The following NFYC variants were observed in gnomAD, a reference collection of about 807,000 sequenced individuals.
NFYC encodes nuclear transcription factor Y subunit gamma.
Under a neutral mutation model 53.1 loss-of-function variants are expected in NFYC, and 25 were observed. That is an observed-to-expected ratio of 0.47 (90% CI 0.34 to 0.66). NFYC has a LOEUF of 0.66. Ranked by LOEUF, NFYC falls within the 30% of genes least tolerant of loss-of-function variation. The probability of loss-of-function intolerance (pLI) is 0.01; values close to 1 mark genes in which losing one functional copy is unlikely to be tolerated. For synonymous variants in NFYC, 145 were observed against 152.6 expected (o/e 0.95, Z 0.37); for missense variants, 260 against 422.7 (o/e 0.62, Z 3.38).
intron 1 of NFYC, chr1:40,735,109 C>T (rs184576988): frequency 2.0e-5 from 3 of 150,738 alleles, no homozygotes; most frequent in Middle Eastern, 3.5e-3. Context: ...TAGAATCACC[C>T]GGGGTTGGGC....
chr1:40,758,557 T>G (rs1235709132), intron 6 of NFYC: 1 of 356,418 alleles, frequency 2.8e-6, no homozygotes, highest in Non-Finnish European at 5.0e-6. Context: ...CTCAGAAATT[T>G]TAGAAGGGAA....
At chr1:40,737,486 G>A (rs1171159681) in intron 1 of NFYC, among the ~76,000 whole-genome samples, 19 of 151,736 alleles carry the variant, frequency 1.3e-4, no homozygotes, top group South Asian at 4.2e-4. Flanking sequence ...CTGCCGCCAC[G>A]CCCGGCTAAT....
rs142160098 is a variant in NFYC, at chr1:40,693,469, C to T, written c.-9+1602C>T. On this transcript the variant is annotated intron_variant, in intron 1 of 9. Coordinates refer to ENST00000447388, the MANE Select transcript of NFYC (RefSeq NM_014223.5). ...TAGATGGTACTCTTCTGTTTTCATA[C>T]CAATTTCAAGAAACTCCTAGGGTTT... Among the ~76,000 whole-genome samples the T allele has an allele frequency of 3.2e-3, 482 of 152,268 alleles. 1 individual carries two copies. The highest frequency in any genetic ancestry group is 7.0e-3 in the Admixed American group (107 of 15,300).
intron 1 of NFYC, among the ~76,000 whole-genome samples, chr1:40,699,177 A>C (rs1356554174): frequency 6.6e-6 from 1 of 152,060 alleles, no homozygotes; most frequent in Admixed American, 6.6e-5. Flanking sequence ...AAAAAAAACA[A>C]AACAAAACCA....
chr1:40,767,806 GTT>G (rs909461165), intron 8 of NFYC, among the ~76,000 whole-genome samples: 2 of 151,970 alleles, frequency 1.3e-5, no homozygotes, highest in African/African-American at 2.4e-5. Context: ...TGGCAAAACC[GTT>G]TCCACTAAAA....
chr1:40,769,258 A>G, intron 8 of NFYC, 98 bp from the exon 9 acceptor site: 1 of 1,234,866 alleles, frequency 8.1e-7, no homozygotes, highest in Non-Finnish European at 1.2e-6. Flanking sequence ...CTTTATATGC[A>G]TTGTCTCATT....
chr1:40,757,874 A>G (rs1476485591), intron 5 of NFYC: 4 of 567,022 alleles, frequency 7.1e-6, no homozygotes, highest in East Asian at 6.0e-5. Context: ...TTATCATGCA[A>G]TGGGTGATTA....
intron 8 of NFYC, among the ~76,000 whole-genome samples, chr1:40,768,300 A>G (rs1419640560): frequency 6.6e-6 from 1 of 152,242 alleles, no homozygotes; most frequent in African/African-American, 2.4e-5. Flanking sequence ...TTATTCTGCA[A>G]CATTTCTGGA....
intron 1 of NFYC, among the ~76,000 whole-genome samples, chr1:40,698,998 A>G (rs1348914722): frequency 6.6e-6 from 1 of 152,046 alleles, no homozygotes; most frequent in Non-Finnish European, 1.5e-5. Flanking sequence ...TCCCATCTCT[A>G]CTAAAGATAC....
At chr1:40,698,404 G>A (rs1446267484) in intron 1 of NFYC, among the ~76,000 whole-genome samples, 1 of 151,632 alleles carries the variant, frequency 6.6e-6, no homozygotes, top group South Asian at 2.1e-4. Flanking sequence ...CTATATATAA[G>A]GTGTCCTATT....
At chr1:40,747,409 C>T (rs1460864337) in intron 2 of NFYC, 125 bp from the exon 3 acceptor site, 5 of 628,188 alleles carry the variant, frequency 8.0e-6, no homozygotes, top group Non-Finnish European at 1.1e-5. Context: ...TTCATCTGTA[C>T]CTTCTCTCCC....
intron 2 of NFYC, among the ~76,000 whole-genome samples, chr1:40,743,470 G>A (rs570524018): frequency 4.6e-5 from 7 of 152,308 alleles, no homozygotes; most frequent in African/African-American, 1.2e-4. Context: ...AGGTGAGTTG[G>A]GGGCAGGTGG....
chr1:40,751,975 T>C (rs954874210), intron 4 of NFYC, among the ~76,000 whole-genome samples: 1 of 152,096 alleles, frequency 6.6e-6, no homozygotes, highest in African/African-American at 2.4e-5. Flanking sequence ...TTCAGAGGCT[T>C]GGGGCCATCA....
rs1646353856 is a variant in NFYC at position 40,758,490 on chromosome 1, T to TC, written c.561+197dup. 5.0e-6 allele frequency: 3 copies of TC among 595,254 alleles called. No individual in the cohort carries two copies. In the African/African-American group the frequency reaches 5.7e-5, roughly 11 times the overall value. The allele number at this position is 595,254 out of a possible 1,614,324, so 36.9% of individuals were successfully genotyped here. ...CTAATCTCTCTGGACCCTGTTTTTC[T>TC]CAAAGGTCAAATGAGGAAAGTGTAC... On this transcript the variant is annotated intron_variant, in intron 6 of 9. Coordinates refer to ENST00000447388, the MANE Select transcript of NFYC (RefSeq NM_014223.5).
At chr1:40,709,534 T>C (rs1643870445) in intron 1 of NFYC, 1 of 152,138 alleles carries the variant, frequency 6.6e-6, no homozygotes, top group Admixed American at 6.6e-5. Context: ...CTCCGTCCTT[T>C]GGGGGGTAGG....
intron 4 of NFYC, 31 bp downstream of exon 4, chr1:40,749,717 G>A (rs765223710): frequency 6.4e-7 from 1 of 1,562,778 alleles, no homozygotes; most frequent in African/African-American, 1.4e-5. Flanking sequence ...TAGGAAAACT[G>A]GGGTAAGCAG....
intron 1 of NFYC, among the ~76,000 whole-genome samples, chr1:40,720,617 A>T (rs893883591): frequency 1.3e-5 from 2 of 152,212 alleles, no homozygotes; most frequent in African/African-American, 4.8e-5. Context: ...CTGTAATCCC[A>T]GCACTTTGGC....
chr1:40,763,144 C>T (rs897741542), intron 7 of NFYC, 98 bp downstream of exon 7: 1 of 1,091,830 alleles, frequency 9.2e-7, no homozygotes, highest in Non-Finnish European at 1.3e-6. Flanking sequence ...CTATATATAC[C>T]TTGATATGTA....
chr1:40,749,925 C>T (rs1645818864), intron 4 of NFYC, among the ~76,000 whole-genome samples: 1 of 152,196 alleles, frequency 6.6e-6, no homozygotes, highest in Non-Finnish European at 1.5e-5. Context: ...AAATCTTAAT[C>T]AATTCTCTCC....
Sources: allele counts gnomAD v4.1 joint callset (sites outside exome capture counted in the v4.1 genomes callset), GRCh38; gene constraint gnomAD v4.1.1; transcripts MANE v1.5; gene names NCBI Gene and HGNC (gene_info 2026-07-23, HGNC 2026-07-21).